NEMP2: variants seen among roughly 807,000 people sequenced by gnomAD.
NEMP2 encodes the protein UPF0571 transmembrane protein.
A neutral mutation model predicts 54.2 loss-of-function variants in NEMP2; 53 were observed. That is an observed-to-expected ratio of 0.98 (90% CI 0.78 to 1.23). The LOEUF is 1.23. Ranked by LOEUF, NEMP2 falls within the 50% of genes most tolerant of loss-of-function variation. The pLI is 0.00. For synonymous variants in NEMP2, 197 were observed against 190.3 expected (o/e 1.04, Z -0.29); for missense variants, 455 against 511.3 (o/e 0.89, Z 1.06).
chr2:190,500,636 G>A (rs1332635585), downstream of NEMP2: 1 of 161,752 alleles, frequency 6.2e-6, no homozygotes, highest in Non-Finnish European at 1.4e-5. This position sits in a 1 kb window ranked among gnomAD's most constrained non-coding sequence, Gnocchi z 5.3. Context: ...CACAAACTGG[G>A]AAGAGATAGA....
the NEMP2 span, chr2:190,553,115 C>T: frequency 2.0e-4 from 30 of 151,344 alleles, no homozygotes; most frequent in Non-Finnish European, 3.5e-4. Context: ...AGCTGTAACA[C>T]TAAAAAACAA....
rs942009462 is a variant in NEMP2, at chr2:190,520,754, A to C, written c.214-1571T>G. Among the ~76,000 whole-genome samples the C allele has an allele frequency of 2.6e-5, 4 of 152,056 alleles. No individual in the cohort carries two copies. Among genetic ancestry groups the C allele is most frequent in the Non-Finnish European group, 4.4e-5 (3 of 68,008 alleles). On this transcript the variant is annotated intron_variant, in intron 2 of 8. Transcript: ENST00000409150. The surrounding 1 kb of genome is among the most constrained non-coding windows in gnomAD (Gnocchi z 5.4). Reference sequence around the variant, plus strand: ...ATATCCTGGACCTTGTCAGTACCAGACTGCAGCCCCTCCATACATTGTGTT... The same window carrying C: ...ATATCCTGGACCTTGTCAGTACCAGCCTGCAGCCCCTCCATACATTGTGTT...
chr2:190,512,123 G>A lies in NEMP2; in HGVS notation c.954-1586C>T, dbSNP rs886384478. Among the ~76,000 whole-genome samples, 1 of 152,082 alleles carries A rather than the reference G, an allele frequency of 6.6e-6. No homozygotes were observed. Among genetic ancestry groups the A allele is most frequent in the African/African-American group, 2.4e-5 (1 of 41,410 alleles). On this transcript the variant is annotated intron_variant, in intron 7 of 8. Transcript: ENST00000409150. This position sits in a 1 kb window ranked among gnomAD's most constrained non-coding sequence, Gnocchi z 4.5. ...AATACCTGTGCATGGTTTCCCTGAA[G>A]GAAAAACCCTGGATGCTAAGCCAGA...
the NEMP2 span, among the ~76,000 whole-genome samples, chr2:190,641,966 C>A: frequency 6.6e-6 from 1 of 152,218 alleles, no homozygotes; most frequent in Non-Finnish European, 1.5e-5. Flanking sequence ...GTCTTAAACA[C>A]AAATTTTAAC....
chr2:190,498,588 T>C, the NEMP2 span, among the ~76,000 whole-genome samples: 1 of 152,194 alleles, frequency 6.6e-6, no homozygotes, highest in Non-Finnish European at 1.5e-5. This position sits in a 1 kb window ranked among gnomAD's most constrained non-coding sequence, Gnocchi z 5.9. Context: ...TGCATGCTAG[T>C]CCATGCATGA....
chr2:190,456,390 A>G, the NEMP2 span, among the ~76,000 whole-genome samples: 2 of 152,214 alleles, frequency 1.3e-5, no homozygotes, highest in Non-Finnish European at 2.9e-5. This position sits in a 1 kb window ranked among gnomAD's most constrained non-coding sequence, Gnocchi z 5.4. Context: ...ATGACCCTAA[A>G]GCCAGTGATG....
the NEMP2 span, among the ~76,000 whole-genome samples, chr2:190,572,484 G>A: frequency 6.6e-6 from 1 of 152,026 alleles, no homozygotes; most frequent in Non-Finnish European, 1.5e-5. Flanking sequence ...CTAGATTCAA[G>A]GGAGGCTGGA....
At chr2:190,536,248 T>C (rs1001911153), upstream of NEMP2, among the ~76,000 whole-genome samples, 5 of 152,152 alleles carry the variant, frequency 3.3e-5, no homozygotes, top group Non-Finnish European at 7.4e-5. Flanking sequence ...TCCAAACTTT[T>C]CTTCTGTATG....
chr2:190,565,535 A>T, the NEMP2 span, among the ~76,000 whole-genome samples: 12 of 152,220 alleles, frequency 7.9e-5, no homozygotes, highest in African/African-American at 2.9e-4. Flanking sequence ...CTGTGGAAGG[A>T]TACAGAATTG....
the NEMP2 span, chr2:190,433,280 AT>A: frequency 1.8e-3 from 276 of 152,364 alleles, no homozygotes; most frequent in African/African-American, 5.6e-3. This position sits in a 1 kb window ranked among gnomAD's most constrained non-coding sequence, Gnocchi z 4.5. Context: ...CAGGAATTAA[AT>A]TAATTTAGAA....
At chr2:190,459,175 G>A in the NEMP2 span, among the ~76,000 whole-genome samples, 18 of 151,836 alleles carry the variant, frequency 1.2e-4, no homozygotes, top group Non-Finnish European at 2.4e-4. The surrounding 1 kb of genome is among the most constrained non-coding windows in gnomAD (Gnocchi z 5.3). Context: ...TTTTGTTTTC[G>A]TCAGTGATCT....
chr2:190,577,503 A>G, the NEMP2 span, among the ~76,000 whole-genome samples: 1 of 152,292 alleles, frequency 6.6e-6, no homozygotes, highest in South Asian at 2.1e-4. The surrounding 1 kb of genome is among the most constrained non-coding windows in gnomAD (Gnocchi z 4.8). Context: ...TATTTAGCTA[A>G]ACTATCATCC....
chr2:190,608,659 G>C, the NEMP2 span: 1 of 152,100 alleles, frequency 6.6e-6, no homozygotes, highest in South Asian at 2.1e-4. This position sits in a 1 kb window ranked among gnomAD's most constrained non-coding sequence, Gnocchi z 4.9. Context: ...TGCAAGTAAG[G>C]GATAGTTAAC....
the NEMP2 span, among the ~76,000 whole-genome samples, chr2:190,600,299 G>C: frequency 6.6e-6 from 1 of 152,136 alleles, no homozygotes; most frequent in African/African-American, 2.4e-5. The surrounding 1 kb of genome is among the most constrained non-coding windows in gnomAD (Gnocchi z 4.9). Context: ...GGGAGGAAAG[G>C]GGACTCAGTA....
the NEMP2 span, among the ~76,000 whole-genome samples, chr2:190,567,687 T>TC: frequency 6.6e-6 from 1 of 152,188 alleles, no homozygotes; most frequent in Admixed American, 6.5e-5. This position sits in a 1 kb window ranked among gnomAD's most constrained non-coding sequence, Gnocchi z 4.0. Context: ...TCTCGCTCTG[T>TC]CACCAGGCTA....
the NEMP2 span, among the ~76,000 whole-genome samples, chr2:190,421,825 A>G: frequency 1.3e-5 from 2 of 152,340 alleles, no homozygotes; most frequent in Admixed American, 1.3e-4. Context: ...TAGTAGGATT[A>G]TCACCTGTAT....
chr2:190,496,293 C>T, the NEMP2 span, among the ~76,000 whole-genome samples: 1 of 152,168 alleles, frequency 6.6e-6, no homozygotes, highest in Non-Finnish European at 1.5e-5. This position sits in a 1 kb window ranked among gnomAD's most constrained non-coding sequence, Gnocchi z 4.7. Flanking sequence ...TACCACCTTA[C>T]TCCCACAAGA....
chr2:190,608,503 GCATT>G, the NEMP2 span: 1 of 152,182 alleles, frequency 6.6e-6, no homozygotes, highest in South Asian at 2.1e-4. This position sits in a 1 kb window ranked among gnomAD's most constrained non-coding sequence, Gnocchi z 4.9. Flanking sequence ...GATGAAAAAG[GCATT>G]CAGTTTGCAG....
At chr2:190,561,691 G>T in the NEMP2 span, among the ~76,000 whole-genome samples, 1 of 152,134 alleles carries the variant, frequency 6.6e-6, no homozygotes, top group Non-Finnish European at 1.5e-5. The surrounding 1 kb of genome is among the most constrained non-coding windows in gnomAD (Gnocchi z 5.4). Flanking sequence ...GGGAGAGGTA[G>T]GAAGAGTTCA....
Sources: gnomAD v4.1 joint callset for allele counts (sites outside exome capture counted in the v4.1 genomes callset) on GRCh38, gnomAD v4.1.1 for gene constraint, Gnocchi (gnomAD v3.1) non-coding constraint, MANE v1.5 for transcripts, NCBI Gene and HGNC (gene_info 2026-07-23, HGNC 2026-07-21) for gene names.